Variants in USP24 observed in about 807,000 individuals in gnomAD.
USP24 encodes ubiquitin specific peptidase 24.
Under a neutral mutation model 361.6 loss-of-function variants are expected in USP24, and 97 were observed. The observed-to-expected ratio is 0.27, with a 90% CI of 0.23 to 0.32. The LOEUF (loss-of-function observed/expected upper bound fraction) is 0.32, where lower values mean the gene tolerates loss of function less well. Ranked by LOEUF, USP24 falls within the 10% of genes least tolerant of loss-of-function variation. The probability of loss-of-function intolerance (pLI) is 1.00; values close to 1 mark genes in which losing one functional copy is unlikely to be tolerated. For missense variants in USP24, 2,353 were observed against 3,165.6 expected, an observed-to-expected ratio of 0.74 and a Z score of 6.16; for synonymous variants, 1,098 against 1,124.6, an observed-to-expected ratio of 0.98 and a Z score of 0.47.
At chr1:55,166,946 A>G (rs1354394912) in intron 5 of USP24, among the ~76,000 whole-genome samples, 2 of 152,234 alleles carry the variant, frequency 1.3e-5, no homozygotes, top group African/African-American at 4.8e-5. Flanking sequence ...AATTATTAAC[A>G]TAAGAAGCAG....
intron 36 of USP24, 33 bp downstream of exon 36, chr1:55,123,414 A>G (rs1646338926): frequency 1.6e-5 from 24 of 1,510,778 alleles, no homozygotes; most frequent in Non-Finnish European, 2.1e-5. Context: ...CTTTCCCTGA[A>G]AGAGATTAAT....
intron 51 of USP24, 32 bp downstream of exon 51, chr1:55,095,223 C>T (rs775191397): frequency 6.2e-7 from 1 of 1,607,944 alleles, no homozygotes; most frequent in Admixed American, 1.7e-5. Context: ...CCATAGAAAT[C>T]ACACAGCAAA....
intron 1 of USP24, among the ~76,000 whole-genome samples, chr1:55,192,005 C>T (rs1056680835): frequency 2.0e-5 from 3 of 152,142 alleles, no homozygotes; most frequent in African/African-American, 4.8e-5. Context: ...GAAACTTGCC[C>T]GTTTGAAAAA....
At chr1:55,184,874 C>T (rs372956779) in intron 1 of USP24, among the ~76,000 whole-genome samples, 28 of 152,074 alleles carry the variant, frequency 1.8e-4, no homozygotes, top group South Asian at 1.7e-3. Context: ...CGCTTTGAGA[C>T]GAATGAAAAT....
intron 35 of USP24, 26 bp downstream of exon 35, chr1:55,124,443 C>T (rs370065648): frequency 1.3e-6 from 2 of 1,596,710 alleles, no homozygotes; most frequent in Non-Finnish European, 1.7e-6. Context: ...CCAGTGTTCT[C>T]ATTACTGTCT....
intron 1 of USP24, among the ~76,000 whole-genome samples, chr1:55,207,778 A>G (rs902656714): frequency 6.6e-6 from 1 of 152,230 alleles, no homozygotes; most frequent in African/African-American, 2.4e-5. Flanking sequence ...TAATGGTTTT[A>G]TAAAATATTC....
rs552874965 is a variant in USP24, at chr1:55,165,972, ATTAAG to A, written c.862-27_862-23del. ...CAAACTGAGAAGAAAAAAGGCACAC[ATTAAG>A]TTATTTTTCTCTTTAATTTTTTTAT... On this transcript the variant is annotated intron_variant, in intron 6 of 67. Transcript: ENST00000294383. 635 of 1,594,666 alleles carry A rather than the reference ATTAAG, an allele frequency of 4.0e-4. 8 individuals carry two copies. The East Asian group carries it at 0.013, about 32-fold the overall frequency.
rs148321638 is a variant in USP24, at chr1:55,072,663, A to C, written c.7602+123T>G. 1,477 of 1,012,524 alleles carry C rather than the reference A, an allele frequency of 1.5e-3. 1 individual carries two copies. Among genetic ancestry groups the C allele is most frequent in the Non-Finnish European group, 1.9e-3 (1,343 of 699,804 alleles). 62.7% of individuals were successfully genotyped at this position (1,012,524 alleles called of 1,614,324 possible). ...CACAAGATATAAACTGTAGCAAAGAAATGTTTGAAATCTGAAAACACTTTA... is the reference window on the plus strand; with the variant it reads ...CACAAGATATAAACTGTAGCAAAGACATGTTTGAAATCTGAAAACACTTTA... On this transcript the variant is annotated intron_variant, in intron 65 of 67. Transcript: ENST00000294383.
Position 55,137,550 on chromosome 1 carries a change from T to C in USP24, c.3166A>G (p.Ser1056Gly). ...GCATATGAAGAACTAAAAACCCCAC[T>C]GCTGCTGCTGCTGGAGCTGGTTGAA... The part of the protein sequence containing the change: ...DSSTSSSSSS[S>G]GVFSSSYAME... The change falls in exon 28 of 68, where the codon AGT (serine) becomes GGT (glycine). Residue 1056 changes from serine to glycine, a missense_variant. Physicochemically the swap from Ser to Gly is moderately conservative, Grantham distance 56 (BLOSUM62 0). Coordinates refer to ENST00000294383, the MANE Select transcript of USP24 (RefSeq NM_015306.3). The C allele has an allele frequency of 6.2e-7, 1 of 1,603,320 alleles. No homozygotes were observed. Among genetic ancestry groups the C allele is most frequent in the South Asian group, 1.1e-5 (1 of 89,438 alleles).
At chr1:55,176,994 G>A (rs1650042686) in intron 2 of USP24, among the ~76,000 whole-genome samples, 2 of 151,898 alleles carry the variant, frequency 1.3e-5, no homozygotes, top group African/African-American at 4.8e-5. Context: ...GGGAGGCTGA[G>A]GTAGGAGGAT....
At chr1:55,135,842 C>A (rs781111831) in intron 28 of USP24, among the ~76,000 whole-genome samples, 1 of 151,994 alleles carries the variant, frequency 6.6e-6, no homozygotes, top group South Asian at 2.1e-4. Context: ...ACTATAAAAG[C>A]CTAAAAAGCA....
chr1:55,089,887 C>G, intron 54 of USP24, 147 bp from the exon 55 acceptor site: 1 of 566,912 alleles, frequency 1.8e-6, no homozygotes, highest in African/African-American at 1.9e-5. Flanking sequence ...ATAAGAGATA[C>G]TTAATGACTG....
intron 62 of USP24, 40 bp from the exon 63 acceptor site, chr1:55,075,563 GA>G: frequency 6.6e-7 from 1 of 1,515,236 alleles, no homozygotes; most frequent in South Asian, 1.2e-5. Context: ...ATAAAAGAAG[GA>G]ACTTGTCATA....
intron 1 of USP24, among the ~76,000 whole-genome samples, chr1:55,212,839 T>G (rs747185460): frequency 2.0e-5 from 3 of 152,174 alleles, no homozygotes; most frequent in African/African-American, 7.2e-5. Flanking sequence ...AAATGAGGAC[T>G]TGATGCACTG....
chr1:55,149,207 T>C (rs753526749), intron 16 of USP24, among the ~76,000 whole-genome samples: 1 of 152,210 alleles, frequency 6.6e-6, no homozygotes, highest in East Asian at 1.9e-4. Flanking sequence ...CAGATCGTCA[T>C]AGTACAGATC....
chr1:55,094,094 G>T lies in USP24; in HGVS notation c.6204-7C>A. 1.2e-6 allele frequency: 2 copies of T among 1,609,086 alleles called. No individual in the cohort carries two copies. Among genetic ancestry groups the T allele is most frequent in the Non-Finnish European group, 1.7e-6 (2 of 1,177,684 alleles). On this transcript the variant is annotated splice_region_variant and splice_polypyrimidine_tract_variant and intron_variant, in intron 51 of 67. Coordinates refer to ENST00000294383, the MANE Select transcript of USP24 (RefSeq NM_015306.3). ...TGGTGAAGATGGAGCTGACCTAAGA[G>T]ATAGAATCAGAAAACTCTGTCTAGT...
At chr1:55,172,986 A>G (rs907047616) in intron 3 of USP24, among the ~76,000 whole-genome samples, 2 of 152,224 alleles carry the variant, frequency 1.3e-5, no homozygotes, top group African/African-American at 4.8e-5. Flanking sequence ...ACAAATATAA[A>G]AGCATTTTAT....
intron 63 of USP24, among the ~76,000 whole-genome samples, chr1:55,074,652 A>G (rs1644988224): frequency 6.7e-6 from 1 of 149,336 alleles, no homozygotes; most frequent in African/African-American, 2.5e-5. Context: ...ATAAATAAAT[A>G]AATAAATAAA....
chr1:55,110,640 TA>T (rs1645922735), intron 38 of USP24, among the ~76,000 whole-genome samples: 1 of 152,150 alleles, frequency 6.6e-6, no homozygotes, highest in Non-Finnish European at 1.5e-5. Context: ...ATTAGAAATA[TA>T]CACATTTGTC....
Sources: gnomAD v4.1 joint callset for allele counts (sites outside exome capture counted in the v4.1 genomes callset) on GRCh38, gnomAD v4.1.1 for gene constraint, MANE v1.5 for transcripts, NCBI Gene and HGNC (gene_info 2026-07-23, HGNC 2026-07-21) for gene names.